Variants in SAMD4A observed in about 807,000 individuals in gnomAD.
The protein encoded by SAMD4A is sterile alpha motif domain containing 4A.
In SAMD4A, 33 loss-of-function variants were observed where a neutral mutation model predicts 81.3. That is an observed-to-expected ratio of 0.41 (90% CI 0.31 to 0.54). SAMD4A has a LOEUF of 0.54. Among genes scored for constraint, SAMD4A ranks in the 20% least tolerant of loss-of-function variants. The probability of loss-of-function intolerance (pLI) is 0.37; values close to 1 mark genes in which losing one functional copy is unlikely to be tolerated. For missense variants in SAMD4A, 854 were observed against 951.1 expected (o/e 0.90, Z 1.34); for synonymous variants, 389 against 382.1 (o/e 1.02, Z -0.21).
upstream of SAMD4A, among the ~76,000 whole-genome samples, chr14:54,566,547 G>C (rs1026960376): frequency 4.7e-4 from 72 of 151,776 alleles, no homozygotes; most frequent in African/African-American, 1.7e-3. Context: ...GCTGTCGTTG[G>C]GGGGCGTGTG....
intron 2 of SAMD4A, among the ~76,000 whole-genome samples, chr14:54,617,818 G>T (rs1388781828): frequency 6.6e-6 from 1 of 152,120 alleles, no homozygotes; most frequent in Admixed American, 6.5e-5. Flanking sequence ...TGCCTAGCTT[G>T]TGAATTTCTT....
chr14:54,693,682 C>CA (rs892791827), intron 2 of SAMD4A: 32 of 149,918 alleles, frequency 2.1e-4, no homozygotes, highest in East Asian at 1.2e-3. Context: ...GACCCTGTCT[C>CA]AAAAAAAAAC....
At chr14:54,565,796 G>A (rs1335626739), upstream of SAMD4A, among the ~76,000 whole-genome samples, 1 of 151,962 alleles carries the variant, frequency 6.6e-6, no homozygotes, top group Admixed American at 6.5e-5. This position sits in a 1 kb window ranked among gnomAD's most constrained non-coding sequence, Gnocchi z 5.4. Context: ...ACACGCAGGC[G>A]GCCGCAGGAA....
At chr14:54,764,878 A>G (rs1373282879) in intron 8 of SAMD4A, among the ~76,000 whole-genome samples, 1 of 152,204 alleles carries the variant, frequency 6.6e-6, no homozygotes, top group African/African-American at 2.4e-5. Flanking sequence ...CAGGTCTTTT[A>G]AAAATCTTGT....
chr14:54,568,245 C>G, intron 2 of SAMD4A, 133 bp downstream of exon 2: 1 of 765,536 alleles, frequency 1.3e-6, no homozygotes, highest in East Asian at 3.4e-5. Context: ...GGCCCCGAGG[C>G]CCTCGGAATC....
intron 3 of SAMD4A, among the ~76,000 whole-genome samples, chr14:54,734,401 G>C (rs1350446372): frequency 6.6e-6 from 1 of 152,224 alleles, no homozygotes; most frequent in East Asian, 1.9e-4. Flanking sequence ...GAACCAAGAA[G>C]TGTTCATTAT....
chr14:54,661,692 C>A (rs1239224544), intron 2 of SAMD4A, among the ~76,000 whole-genome samples: 1 of 152,162 alleles, frequency 6.6e-6, no homozygotes, highest in African/African-American at 2.4e-5. Flanking sequence ...GCCGACTATT[C>A]CCGGATATCT....
intron 3 of SAMD4A, among the ~76,000 whole-genome samples, chr14:54,728,175 C>T (rs369715966): frequency 8.5e-5 from 13 of 152,124 alleles, no homozygotes; most frequent in African/African-American, 2.9e-4. Flanking sequence ...AGAGCAATTA[C>T]GTAAATGCTG....
rs1031236642 is a variant in SAMD4A, at chr14:54,749,798, C to A, written c.1089+874C>A. On this transcript the variant is annotated intron_variant, in intron 5 of 12. Transcript: ENST00000554335. ...CCTTTCAGCAATGATTTAAAAGAAT[C>A]GATGGTCTGAATAGGCTAAGAATAT... Among the ~76,000 whole-genome samples the A allele has an allele frequency of 2.6e-5, 4 of 152,276 alleles. No homozygotes were observed. The East Asian group carries it at 7.7e-4, about 29-fold the overall frequency.
intron 9 of SAMD4A, among the ~76,000 whole-genome samples, chr14:54,774,577 G>A (rs1032609676): frequency 1.3e-5 from 2 of 151,890 alleles, no homozygotes; most frequent in African/African-American, 2.4e-5. Flanking sequence ...CTACTCAAGA[G>A]GCTGAGTTGG....
At chr14:54,739,404 G>C (rs939888076) in intron 4 of SAMD4A, among the ~76,000 whole-genome samples, 2 of 151,946 alleles carry the variant, frequency 1.3e-5, no homozygotes, top group Admixed American at 6.6e-5. Flanking sequence ...CCAGAAAACA[G>C]GTTATTTGAT....
Position 54,568,131 on chromosome 14 carries a change from C to G in SAMD4A, c.196+19C>G. The stretch of plus-strand genomic sequence containing the variant: ...AGCCCCGGTAAGTGTGCGGCGGCCG[C>G]CGCCGCCGTCCCGCCTGCCCAACCC... On this transcript the variant is annotated intron_variant, in intron 2 of 12. Transcript: ENST00000554335. 2 of 1,455,488 alleles carry G rather than the reference C, an allele frequency of 1.4e-6. No individual in the cohort carries two copies. Among genetic ancestry groups the G allele is most frequent in the Non-Finnish European group, 1.8e-6 (2 of 1,110,308 alleles). The allele number at this position is 1,455,488 out of a possible 1,614,324, so 90.2% of individuals were successfully genotyped here. A position where few individuals can be genotyped will look rare whatever the true frequency, so the allele number is the denominator to read the frequency against.
At chr14:54,682,746 AT>A (rs1490910890) in intron 2 of SAMD4A, among the ~76,000 whole-genome samples, 1 of 152,212 alleles carries the variant, frequency 6.6e-6, no homozygotes, top group Admixed American at 6.5e-5. Context: ...CATGTACCAA[AT>A]TAAAGCGTAA....
intron 6 of SAMD4A, among the ~76,000 whole-genome samples, chr14:54,757,747 C>G (rs2038284801): frequency 6.6e-6 from 1 of 152,158 alleles, no homozygotes; most frequent in African/African-American, 2.4e-5. Flanking sequence ...TTTTCCCTTC[C>G]CCTCCTTAGT....
chr14:54,650,742 T>A (rs2035385998), intron 2 of SAMD4A, among the ~76,000 whole-genome samples: 2 of 152,186 alleles, frequency 1.3e-5, no homozygotes, highest in South Asian at 4.1e-4. Context: ...TTCTCCTCTT[T>A]GTCAAGAGCT....
At chr14:54,748,474 A>G (rs754558795) in intron 4 of SAMD4A, among the ~76,000 whole-genome samples, 40 of 152,286 alleles carry the variant, frequency 2.6e-4, no homozygotes, top group Non-Finnish European at 4.4e-4. Context: ...TGGGAATCTT[A>G]TAGAAGCTAT....
At chr14:54,639,346 C>G (rs2035111832) in intron 2 of SAMD4A, among the ~76,000 whole-genome samples, 1 of 152,182 alleles carries the variant, frequency 6.6e-6, no homozygotes, top group Non-Finnish European at 1.5e-5. Context: ...GGTGGCTGAG[C>G]CTGGTGAAGT....
chr14:54,583,538 T>C (rs2033533843), intron 2 of SAMD4A, among the ~76,000 whole-genome samples: 1 of 152,254 alleles, frequency 6.6e-6, no homozygotes, highest in Non-Finnish European at 1.5e-5. Flanking sequence ...TTACCTGTAG[T>C]TGGATATGAT....
chr14:54,611,512 G>C (rs2034354800), intron 2 of SAMD4A, among the ~76,000 whole-genome samples: 1 of 152,238 alleles, frequency 6.6e-6, no homozygotes, highest in South Asian at 2.1e-4. Context: ...GTGGCCTCTG[G>C]AATCAGTAAG....
Sources: allele counts gnomAD v4.1 joint callset (sites outside exome capture counted in the v4.1 genomes callset), GRCh38; gene constraint gnomAD v4.1.1; non-coding constraint Gnocchi (gnomAD v3.1); transcripts MANE v1.5; gene names NCBI Gene and HGNC (gene_info 2026-07-23, HGNC 2026-07-21).